MAP4K3: variants seen among roughly 807,000 people sequenced by gnomAD.
MAP4K3 encodes the protein mitogen-activated protein kinase kinase kinase kinase 3, also known as MAPK/ERK kinase kinase kinase 3.
In MAP4K3, 94 loss-of-function variants were observed where a neutral mutation model predicts 143.5. The ratio of observed to expected loss-of-function variants is 0.65; its 90% CI spans 0.55 to 0.78. The LOEUF (loss-of-function observed/expected upper bound fraction) is 0.78. Ranked by LOEUF, MAP4K3 falls within the 30% of genes least tolerant of loss-of-function variation. MAP4K3 has a pLI of 0.00. For synonymous variants in MAP4K3, 416 were observed against 347.2 expected (o/e 1.20, Z -2.20); for missense variants, 1,077 against 1,068.1 (o/e 1.01, Z -0.12).
At chr2:39,296,713 CCTATTTCT>C (rs1173888330) in intron 16 of MAP4K3, among the ~76,000 whole-genome samples, 2 of 152,128 alleles carry the variant, frequency 1.3e-5, no homozygotes, top group African/African-American at 2.4e-5. Flanking sequence ...AAACAAAAAC[CCTATTTCT>C]CTAAAATTAA....
Position 39,293,054 on chromosome 2 carries a change from C to A in MAP4K3, c.1217+176G>T, listed in dbSNP as rs1268471847. On this transcript the variant is annotated intron_variant, in intron 17 of 33. Transcript: ENST00000263881. ...ATCGCTTGAGCCCAGGAGTTCAAGG[C>A]TGCAGTGAGCTATGATCATACCACT... Among the ~76,000 whole-genome samples the A allele has an allele frequency of 2.0e-5, 3 of 152,138 alleles. No homozygotes were observed. The East Asian group carries it at 5.8e-4, about 29-fold the overall frequency.
chr2:39,341,493 C>T (rs1321339902), intron 4 of MAP4K3, among the ~76,000 whole-genome samples: 1 of 151,612 alleles, frequency 6.6e-6, no homozygotes, highest in Non-Finnish European at 1.5e-5. Flanking sequence ...TCCATCTCTA[C>T]TAAAAATATA....
intron 1 of MAP4K3, among the ~76,000 whole-genome samples, chr2:39,390,000 G>A (rs1484370513): frequency 6.6e-6 from 1 of 152,108 alleles, no homozygotes; most frequent in Admixed American, 6.5e-5. Flanking sequence ...TTTGCGAAGT[G>A]GACAGAGTTA....
At chr2:39,393,501 T>C (rs1172605788) in intron 1 of MAP4K3, among the ~76,000 whole-genome samples, 2 of 152,246 alleles carry the variant, frequency 1.3e-5, no homozygotes, top group Admixed American at 6.5e-5. Flanking sequence ...AAAAAAGCTA[T>C]GTATAGCAAA....
intron 6 of MAP4K3, among the ~76,000 whole-genome samples, chr2:39,335,211 G>A (rs1420718082): frequency 1.3e-5 from 2 of 152,148 alleles, no homozygotes; most frequent in Non-Finnish European, 2.9e-5. Flanking sequence ...TGAGTACAAT[G>A]GGAAAGCAAT....
In MAP4K3 at chr2:39,260,308, G is replaced by T. The variant is rs571007230; in HGVS notation, c.2308+298C>A. Among the ~76,000 whole-genome samples, 166 of 152,134 alleles carry T rather than the reference G, an allele frequency of 1.1e-3. 3 individuals are homozygous for T. Among genetic ancestry groups the T allele is most frequent in the African/African-American group, 3.9e-3 (161 of 41,504 alleles). ...TACATGCAATTTTTTTAGAGACAGG[G>T]TCTTGCTACATTGCCCAGGCTGTTC... On this transcript the variant is annotated intron_variant, in intron 29 of 33. Transcript: ENST00000263881.
intron 1 of MAP4K3, among the ~76,000 whole-genome samples, chr2:39,387,689 C>T (rs1666545169): frequency 6.6e-6 from 1 of 152,192 alleles, no homozygotes; most frequent in Non-Finnish European, 1.5e-5. Flanking sequence ...AATAACCCAA[C>T]AGATGGACAG....
chr2:39,346,849 T>C (rs1228736317), intron 3 of MAP4K3, among the ~76,000 whole-genome samples: 1 of 152,112 alleles, frequency 6.6e-6, no homozygotes, highest in African/African-American at 2.4e-5. Flanking sequence ...CTGCCTGAGA[T>C]ATAAAGGCTC....
At chr2:39,254,418 T>C (rs1558601124) in intron 32 of MAP4K3, 32 bp downstream of exon 32, 3 of 1,540,334 alleles carry the variant, frequency 1.9e-6, no homozygotes, top group Non-Finnish European at 2.7e-6. Flanking sequence ...TGATAATGTC[T>C]TGTGACTACT....
intron 3 of MAP4K3, among the ~76,000 whole-genome samples, chr2:39,345,921 CAAAAAAAAAAAA>C (rs66729858): frequency 1.1e-3 from 17 of 15,850 alleles, no homozygotes; most frequent in East Asian, 1.9e-3. Flanking sequence ...GACTCTGTCT[CAAAAAAAAAAAA>C]AAAAAAAAAA....
At chr2:39,298,294 TC>T (rs1682363380) in intron 16 of MAP4K3, among the ~76,000 whole-genome samples, 3 of 152,250 alleles carry the variant, frequency 2.0e-5, no homozygotes, top group Admixed American at 6.5e-5. Context: ...TTTCATTTTC[TC>T]TGCCAAGAAA....
chr2:39,311,469 T>G (rs953489528), intron 13 of MAP4K3, among the ~76,000 whole-genome samples: 2 of 152,206 alleles, frequency 1.3e-5, no homozygotes. Flanking sequence ...CCCCAGTGAC[T>G]CCTGCCTCTT....
At chr2:39,303,829 G>A (rs545650761) in intron 15 of MAP4K3, among the ~76,000 whole-genome samples, 1 of 152,276 alleles carries the variant, frequency 6.6e-6, no homozygotes, top group South Asian at 2.1e-4. Flanking sequence ...GAGCTACCAC[G>A]CCGGGTCAAC....
intron 22 of MAP4K3, among the ~76,000 whole-genome samples, chr2:39,280,754 T>C (rs1681482159): frequency 6.6e-6 from 1 of 152,188 alleles, no homozygotes; most frequent in Non-Finnish European, 1.5e-5. Flanking sequence ...TGTTTGGTTT[T>C]ATGAGCCTAA....
chr2:39,388,086 A>C (rs1484674391), intron 1 of MAP4K3, among the ~76,000 whole-genome samples: 1 of 152,202 alleles, frequency 6.6e-6, no homozygotes, highest in East Asian at 1.9e-4. Flanking sequence ...CATATCAATA[A>C]CACTTCTAAA....
At chr2:39,286,134 G>C (rs1171852731) in intron 21 of MAP4K3, among the ~76,000 whole-genome samples, 3 of 152,186 alleles carry the variant, frequency 2.0e-5, no homozygotes, top group African/African-American at 7.2e-5. Flanking sequence ...CACAGATGGG[G>C]GTTGAAGGGG....
rs183700754 is a variant in MAP4K3 at position 39,324,117 on chromosome 2, A to T, written c.918+1401T>A. Among the ~76,000 whole-genome samples the T allele has an allele frequency of 1.4e-3, 212 of 152,254 alleles. 1 individual carries two copies. The highest frequency in any genetic ancestry group is 4.5e-3 in the African/African-American group (187 of 41,554). On this transcript the variant is annotated intron_variant, in intron 12 of 33. Coordinates refer to ENST00000263881, the MANE Select transcript of MAP4K3 (RefSeq NM_003618.4). ...TAAAATTAAGCAAATCAACACCAAA[A>T]AACTTCTTCAGGCCAGGTGCGGTGG...
chr2:39,380,766 G>C (rs1190280690), intron 1 of MAP4K3, among the ~76,000 whole-genome samples: 1 of 152,070 alleles, frequency 6.6e-6, no homozygotes, highest in Non-Finnish European at 1.5e-5. Flanking sequence ...CAAATTCCCT[G>C]TCAGAGTATT....
intron 15 of MAP4K3, among the ~76,000 whole-genome samples, chr2:39,307,069 T>C (rs1446907054): frequency 6.6e-6 from 1 of 152,210 alleles, no homozygotes; most frequent in Non-Finnish European, 1.5e-5. Context: ...TCAGAGGTCC[T>C]AGATTAAAAA....
Sources: gnomAD v4.1 joint callset for allele counts (sites outside exome capture counted in the v4.1 genomes callset) on GRCh38, gnomAD v4.1.1 for gene constraint, MANE v1.5 for transcripts, NCBI Gene and HGNC (gene_info 2026-07-23, HGNC 2026-07-21) for gene names.